Variants in DNMT3B observed in about 807,000 individuals in gnomAD.
DNMT3B encodes DNA methyltransferase 3 beta.
Under a neutral mutation model 120.2 loss-of-function variants are expected in DNMT3B, and 37 were observed. The observed-to-expected ratio is 0.31, with a 90% CI of 0.24 to 0.40. The LOEUF is 0.40. DNMT3B is among the 10% of genes least tolerant of loss of function. The pLI is 1.00. For synonymous variants in DNMT3B, 412 were observed against 442.8 expected, an observed-to-expected ratio of 0.93 and a Z score of 0.87; for missense variants, 878 against 1,137.3, an observed-to-expected ratio of 0.77 and a Z score of 3.28.
intron 16 of DNMT3B, 95 bp from the exon 17 acceptor site, chr20:32,800,058 A>G: frequency 6.5e-7 from 1 of 1,545,946 alleles, no homozygotes; most frequent in Non-Finnish European, 8.9e-7. Context: ...TACAGTCATG[A>G]GGAACTGTTC....
intron 17 of DNMT3B, 121 bp downstream of exon 17, chr20:32,800,419 T>C: frequency 7.0e-7 from 1 of 1,429,980 alleles, no homozygotes; most frequent in East Asian, 2.4e-5. Context: ...ATTGAAATCC[T>C]GTGGGAATCT....
At chr20:32,804,114 G>C (rs1233698531) in intron 20 of DNMT3B, among the ~76,000 whole-genome samples, 1 of 152,194 alleles carries the variant, frequency 6.6e-6, no homozygotes, top group Non-Finnish European at 1.5e-5. Flanking sequence ...AACATATGTG[G>C]AGGGTAGGAC....
Position 32,792,682 on chromosome 20 carries a change from G to A in DNMT3B, c.978G>A (p.Glu326=). 1.2e-6 allele frequency: 2 copies of A among 1,614,272 alleles called. No individual in the cohort carries two copies. The highest frequency in any genetic ancestry group is 8.5e-7 in the Non-Finnish European group (1 of 1,180,046). Residue 326 remains glutamate (E), a synonymous_variant, in exon 9 of 23, where the codon GAG becomes GAA. Transcript: ENST00000328111. ...TFPSSPGDSL[E]DQLKPMLEWA... ...CCAGCAGCCCTGGAGACTCATTGGA[G>A]GACCAGCTGAAGCCCATGTTGGAGT...
At position 32,795,503 on chromosome 20, in the gene DNMT3B, C is replaced by G. The variant is rs761609426; in HGVS notation, c.1221C>G (p.Gly407=). The change falls in exon 11 of 23, where the codon GGC becomes GGG. Residue 407 remains glycine (G), a synonymous_variant. Coordinates refer to ENST00000328111, the MANE Select transcript of DNMT3B (RefSeq NM_006892.4). ...TCAAGACAAATTGCTATAACAACGGCAAAGACCGAGGGGATGAAGATCAGA... is the reference window on the plus strand; with the variant it reads ...TCAAGACAAATTGCTATAACAACGGGAAAGACCGAGGGGATGAAGATCAGA... ...KRLKTNCYNN[G]KDRGDEDQSR... is the part of the protein sequence containing the mutation. 1.2e-6 allele frequency: 2 copies of G among 1,614,166 alleles called. No homozygotes were observed. Among genetic ancestry groups the G allele is most frequent in the Non-Finnish European group, 8.5e-7 (1 of 1,180,044 alleles).
intron 3 of DNMT3B, among the ~76,000 whole-genome samples, chr20:32,784,210 TG>T (rs1023182602): frequency 1.3e-5 from 2 of 152,142 alleles, no homozygotes; most frequent in African/African-American, 4.8e-5. Context: ...GCCTAATTTT[TG>T]TATTCTTAGT....
rs147509337 is a variant in DNMT3B at position 32,790,899 on chromosome 20, C to T, written c.814-702C>T. Among the ~76,000 whole-genome samples, 71 of 152,228 alleles carry T rather than the reference C, an allele frequency of 4.7e-4. No homozygotes were observed. In the East Asian group the frequency reaches 0.013, roughly 28 times the overall value. On this transcript the variant is annotated intron_variant, in intron 7 of 22. Coordinates refer to ENST00000328111, the MANE Select transcript of DNMT3B (RefSeq NM_006892.4). ...GGCTAGTCGAACTCCTGGGCTCAAG[C>T]GATCCTCTCAACTCCCACTCCCAAA...
At chr20:32,774,664 C>T (rs866738250) in intron 1 of DNMT3B, among the ~76,000 whole-genome samples, 1 of 151,836 alleles carries the variant, frequency 6.6e-6, no homozygotes, top group South Asian at 2.1e-4. Context: ...CTTGCTCCTT[C>T]CCATCCTCCC....
intron 12 of DNMT3B, among the ~76,000 whole-genome samples, chr20:32,796,253 C>A (rs1980605044): frequency 6.6e-6 from 1 of 152,154 alleles, no homozygotes; most frequent in Non-Finnish European, 1.5e-5. Context: ...AAGACTCACT[C>A]CCCCATCTGG....
intron 14 of DNMT3B, 34 bp downstream of exon 14, chr20:32,797,333 G>C (rs1398288700): frequency 6.2e-7 from 1 of 1,601,300 alleles, no homozygotes; most frequent in Non-Finnish European, 8.5e-7. Flanking sequence ...GGATGTGGGT[G>C]GGCCCCCAAG....
intron 8 of DNMT3B, 91 bp from the exon 9 acceptor site, chr20:32,792,535 A>G: frequency 6.2e-7 from 1 of 1,605,786 alleles, no homozygotes; most frequent in Non-Finnish European, 8.5e-7. Context: ...TGTGAAGGGG[A>G]ATGTAGGCCC....
At chr20:32,781,869 G>A (rs981709369) in intron 3 of DNMT3B, among the ~76,000 whole-genome samples, 3 of 152,160 alleles carry the variant, frequency 2.0e-5, no homozygotes, top group African/African-American at 4.8e-5. Flanking sequence ...AGCCGTCTCC[G>A]TGATCAGATC....
chr20:32,801,990 AT>A (rs1981399147), intron 19 of DNMT3B, among the ~76,000 whole-genome samples: 1 of 152,130 alleles, frequency 6.6e-6, no homozygotes, highest in East Asian at 1.9e-4. Flanking sequence ...ATTTGACTCA[AT>A]TTTTTACTCT....
intron 6 of DNMT3B, among the ~76,000 whole-genome samples, chr20:32,788,033 C>A (rs1979535394): frequency 6.6e-6 from 1 of 152,090 alleles, no homozygotes; most frequent in Non-Finnish European, 1.5e-5. Flanking sequence ...CAAGGACCGG[C>A]CATTTATACT....
chr20:32,787,786 A>C (rs900611726), intron 6 of DNMT3B, among the ~76,000 whole-genome samples: 26 of 152,206 alleles, frequency 1.7e-4, no homozygotes, highest in African/African-American at 6.0e-4. Flanking sequence ...TTGTGTGAGC[A>C]ATAAAGCTGT....
chr20:32,793,513 T>C (rs772398833), intron 9 of DNMT3B, 23 bp from the exon 10 acceptor site: 24 of 1,611,592 alleles, frequency 1.5e-5, no homozygotes, highest in Non-Finnish European at 2.0e-5. Context: ...TTTTTCTGTT[T>C]TGTTTTGTTT....
At chr20:32,783,431 C>A (rs1239018850) in intron 3 of DNMT3B, among the ~76,000 whole-genome samples, 1 of 152,140 alleles carries the variant, frequency 6.6e-6, no homozygotes, top group Admixed American at 6.5e-5. Flanking sequence ...GTTTTGTGTT[C>A]CTTCCTTTAC....
chr20:32,798,740 C>T, intron 15 of DNMT3B, 97 bp downstream of exon 15: 2 of 1,535,124 alleles, frequency 1.3e-6, no homozygotes, highest in South Asian at 2.3e-5. Flanking sequence ...GAAGTAAAGA[C>T]ACGTTGTACC....
At chr20:32,780,045 G>A (rs754269795) in intron 1 of DNMT3B, 14 of 1,585,248 alleles carry the variant, frequency 8.8e-6, no homozygotes, top group Non-Finnish European at 1.0e-5. Context: ...GTCTGAGCCT[G>A]AGACCCCAGC....
rs1184895593 is a variant in DNMT3B at position 32,797,286 on chromosome 20, A to G, written c.1477A>G (p.Thr493Ala). Reference sequence around the variant, plus strand: ...CCGAGAGCTGCTGCTTTGCAGCAACACGAGCTGCTGCCGGTGAGCACTGGG... The same window carrying G: ...CCGAGAGCTGCTGCTTTGCAGCAACGCGAGCTGCTGCCGGTGAGCACTGGG... ...EGRELLLCSN[T>A]SCCRCFCVEC... is the part of the protein sequence containing the mutation. The change falls in exon 14 of 23, where the codon ACG (threonine) becomes GCG (alanine). Residue 493 changes from threonine to alanine, a missense_variant. By Grantham distance (58) the Thr-to-Ala change is moderately conservative. Around this residue, in one of 4 missense-constraint regions of DNMT3B, gnomAD observed 334 missense variants for 518.8 expected, o/e 0.64. Transcript: ENST00000328111. 16 of 1,613,906 alleles carry G rather than the reference A, an allele frequency of 9.9e-6. No individual in the cohort carries two copies. The highest frequency in any genetic ancestry group is 2.7e-5 in the African/African-American group (2 of 74,948).
Sources: gnomAD v4.1 joint callset for allele counts (sites outside exome capture counted in the v4.1 genomes callset) on GRCh38, gnomAD v4.1.1 for gene constraint, gnomAD v4.1.1 regional missense constraint, MANE v1.5 for transcripts, NCBI Gene and HGNC (gene_info 2026-07-23, HGNC 2026-07-21) for gene names.